Variants in LRP6 observed in about 807,000 individuals in gnomAD.
The protein encoded by LRP6 is low-density lipoprotein receptor-related protein 6.
In LRP6, 43 loss-of-function variants were observed where a neutral mutation model predicts 184.1. The ratio of observed to expected loss-of-function variants is 0.23; its 90% CI spans 0.18 to 0.30. The LOEUF (loss-of-function observed/expected upper bound fraction) is 0.30, where lower values mean the gene tolerates loss of function less well. Among genes scored for constraint, LRP6 ranks in the 10% least tolerant of loss-of-function variants. The pLI, the probability that LRP6 is intolerant of heterozygous loss-of-function variation, is 1.00. For missense variants in LRP6, 1,571 were observed against 2,005.3 expected (o/e 0.78, Z 4.14); for synonymous variants, 719 against 684.9 (o/e 1.05, Z -0.78).
At chr12:12,186,840 T>C in intron 4 of LRP6, 83 bp downstream of exon 4, 1 of 1,175,108 alleles carries the variant, frequency 8.5e-7, no homozygotes, top group Non-Finnish European at 1.3e-6. Context: ...ATGCCCTCCC[T>C]CCTCCTGATC....
chr12:12,223,604 T>C (rs1354180813), intron 2 of LRP6, among the ~76,000 whole-genome samples: 1 of 152,188 alleles, frequency 6.6e-6, no homozygotes, highest in Non-Finnish European at 1.5e-5. Flanking sequence ...TCCTACAGTA[T>C]TTTTTAAATC....
intron 3 of LRP6, among the ~76,000 whole-genome samples, chr12:12,201,884 T>C (rs574538316): frequency 1.5e-4 from 23 of 152,346 alleles, no homozygotes; most frequent in African/African-American, 5.1e-4. Context: ...TCCAACTCCA[T>C]GATTACAAAA....
chr12:12,261,371 C>T (rs1372824500), intron 1 of LRP6, among the ~76,000 whole-genome samples: 1 of 150,908 alleles, frequency 6.6e-6, no homozygotes, highest in Non-Finnish European at 1.5e-5. Flanking sequence ...CCGCTGCACT[C>T]CAGCCTGGGC....
In LRP6 at chr12:12,165,265, C is replaced by T. The variant is rs369169256; in HGVS notation, c.1576G>A (p.Val526Ile). Residue 526 changes from valine to isoleucine, a missense_variant, in exon 8 of 23, where the codon GTA becomes ATA. Physicochemically the swap from Val to Ile is conservative, Grantham distance 29. Coordinates refer to ENST00000261349, the MANE Select transcript of LRP6 (RefSeq NM_002336.3). ...TGAGGAATTTTGTCTTCCACTAGTA[C>T]TCGTCTCCCAGTGCCATCAGTATTC... ...VMNTDGTGRR[V>I]LVEDKIPHIF... 2.9e-5 allele frequency: 47 copies of T among 1,613,692 alleles called. No homozygotes were observed. In the African/African-American group the frequency reaches 5.6e-4, roughly 19 times the overall value.
intron 3 of LRP6, among the ~76,000 whole-genome samples, chr12:12,199,685 G>C (rs1169115498): frequency 6.6e-6 from 1 of 151,930 alleles, no homozygotes; most frequent in Non-Finnish European, 1.5e-5. Flanking sequence ...ACAAGGCTCG[G>C]CCAGGCACGG....
At chr12:12,158,507 T>C (rs887228240) in intron 12 of LRP6, among the ~76,000 whole-genome samples, 1 of 152,064 alleles carries the variant, frequency 6.6e-6, no homozygotes, top group African/African-American at 2.4e-5. Flanking sequence ...TTATTTTTTG[T>C]AGAGGCAAGG....
chr12:12,222,345 C>T (rs1232179360), intron 2 of LRP6, among the ~76,000 whole-genome samples: 1 of 151,920 alleles, frequency 6.6e-6, no homozygotes, highest in African/African-American at 2.4e-5. Context: ...GCGGGCGGAT[C>T]ACCTGAGGTC....
At chr12:12,136,984 T>C (rs1949850119) in intron 16 of LRP6, among the ~76,000 whole-genome samples, 2 of 152,206 alleles carry the variant, frequency 1.3e-5, no homozygotes, top group African/African-American at 4.8e-5. Context: ...ATGATATCAT[T>C]ATCATATTTC....
chr12:12,262,512 C>T (rs1047053126), intron 1 of LRP6, among the ~76,000 whole-genome samples: 9 of 150,780 alleles, frequency 6.0e-5, no homozygotes, highest in Non-Finnish European at 1.2e-4. Context: ...GAGCCAAGAT[C>T]GCGGCACTGC....
At chr12:12,253,980 C>CA (rs1865394898) in intron 1 of LRP6, among the ~76,000 whole-genome samples, 1 of 151,438 alleles carries the variant, frequency 6.6e-6, no homozygotes, top group African/African-American at 2.4e-5. Context: ...CCCTTCTCTA[C>CA]CAAAAAATAC....
chr12:12,170,450 G>GT (rs144571964), intron 7 of LRP6, among the ~76,000 whole-genome samples: 9,546 of 148,088 alleles, frequency 0.064, 916 homozygotes, highest in African/African-American at 0.22. Flanking sequence ...GACATTTATG[G>GT]TTTTTTTTTT....
At chr12:12,136,927 T>C (rs770066587) in intron 16 of LRP6, among the ~76,000 whole-genome samples, 4 of 152,198 alleles carry the variant, frequency 2.6e-5, no homozygotes, top group African/African-American at 7.2e-5. Context: ...ATCTTGAGAT[T>C]TTCTGTAATA....
intron 1 of LRP6, among the ~76,000 whole-genome samples, chr12:12,245,996 CTTTTT>C (rs71061029): frequency 5.5e-5 from 5 of 90,182 alleles, no homozygotes; most frequent in South Asian, 8.8e-4. Flanking sequence ...TTTATATAAA[CTTTTT>C]TTTTTTTTTT....
rs534923288 is a variant in LRP6, at chr12:12,121,057, C to G, written c.*69G>C. On this transcript the variant is annotated 3_prime_UTR_variant, in exon 23 of 23. Transcript: ENST00000261349. ...CCTTCTCTAATAGCTCCCTCCCCCC[C>G]TCCAGATCTCAACCAAATTTATATT... The G allele has an allele frequency of 4.4e-5, 63 of 1,425,600 alleles. No individual in the cohort carries two copies. Among genetic ancestry groups the G allele is most frequent in the Non-Finnish European group, 5.6e-5 (59 of 1,062,170 alleles). 88.3% of individuals were successfully genotyped at this position (1,425,600 alleles called of 1,614,324 possible).
intron 3 of LRP6, among the ~76,000 whole-genome samples, chr12:12,202,840 C>T (rs937130754): frequency 6.6e-5 from 10 of 152,094 alleles, no homozygotes; most frequent in Non-Finnish European, 1.2e-4. Context: ...CCTTGGACCT[C>T]CCCTCCACCA....
At chr12:12,145,239 C>A (rs746632454) in intron 15 of LRP6, among the ~76,000 whole-genome samples, 1 of 151,048 alleles carries the variant, frequency 6.6e-6, no homozygotes, top group South Asian at 2.1e-4. Context: ...CTATACCAGG[C>A]GTGTAACTAT....
chr12:12,252,142 C>A (rs1414692187), intron 1 of LRP6, among the ~76,000 whole-genome samples: 1 of 152,236 alleles, frequency 6.6e-6, no homozygotes, highest in Non-Finnish European at 1.5e-5. Flanking sequence ...ATCTTGGCCT[C>A]CCAAAGCACT....
intron 2 of LRP6, among the ~76,000 whole-genome samples, chr12:12,217,033 C>G (rs1037276289): frequency 2.6e-5 from 4 of 152,122 alleles, no homozygotes; most frequent in African/African-American, 9.7e-5. Flanking sequence ...ATCATGTAAA[C>G]ACAAATCCTT....
chr12:12,226,203 T>A (rs554585494), intron 2 of LRP6, among the ~76,000 whole-genome samples: 1 of 152,250 alleles, frequency 6.6e-6, no homozygotes, highest in South Asian at 2.1e-4. Context: ...GACTATTTTT[T>A]CTCTCCCCAC....
Sources: gnomAD v4.1 joint callset for allele counts (sites outside exome capture counted in the v4.1 genomes callset) on GRCh38, gnomAD v4.1.1 for gene constraint, MANE v1.5 for transcripts, NCBI Gene and HGNC (gene_info 2026-07-23, HGNC 2026-07-21) for gene names.